The following PDZD2 variants were observed in gnomAD, a reference collection of about 807,000 sequenced individuals.
PDZD2 encodes PDZ domain containing 2.
Under a neutral mutation model 220.7 loss-of-function variants are expected in PDZD2, and 90 were observed. That is an observed-to-expected ratio of 0.41 (90% CI 0.34 to 0.49). PDZD2 has a LOEUF of 0.49. Among genes scored for constraint, PDZD2 ranks in the 20% least tolerant of loss-of-function variants. The probability of loss-of-function intolerance (pLI) is 0.28; values close to 1 mark genes in which losing one functional copy is unlikely to be tolerated. For synonymous variants in PDZD2, 1,375 were observed against 1,450.5 expected (o/e 0.95, Z 1.18); for missense variants, 3,174 against 3,608.5 (o/e 0.88, Z 3.08).
chr5:31,849,595 G>T (rs1272983736), intron 2 of PDZD2, among the ~76,000 whole-genome samples: 4 of 151,988 alleles, frequency 2.6e-5, no homozygotes, highest in Non-Finnish European at 5.9e-5. Flanking sequence ...TGTAATCCTA[G>T]CACTTTGGGA....
At chr5:31,917,020 T>C (rs1743749154) in intron 2 of PDZD2, among the ~76,000 whole-genome samples, 1 of 152,184 alleles carries the variant, frequency 6.6e-6, no homozygotes, top group Non-Finnish European at 1.5e-5. Flanking sequence ...GGACAGGCAC[T>C]ACCTCTTAAA....
At chr5:31,717,273 T>C (rs1176874312) in intron 1 of PDZD2, among the ~76,000 whole-genome samples, 2 of 152,176 alleles carry the variant, frequency 1.3e-5, no homozygotes, top group South Asian at 2.1e-4. Context: ...GTTTGTTCCA[T>C]AAGTGCTGAA....
At chr5:31,783,249 C>A (rs905349098) in intron 1 of PDZD2, among the ~76,000 whole-genome samples, 2 of 151,928 alleles carry the variant, frequency 1.3e-5, no homozygotes, top group Admixed American at 1.3e-4. Context: ...AGCATGCACG[C>A]GTCTTTCTTT....
In PDZD2 at chr5:31,706,062, C is replaced by T. The variant is rs185115955; in HGVS notation, c.-361+66625C>T. ...GCGAGACTCCATCTCAAAATAACAACACCACCACCAAAAATCCTCTATAAG... is the reference window on the plus strand; with the variant it reads ...GCGAGACTCCATCTCAAAATAACAATACCACCACCAAAAATCCTCTATAAG... On this transcript the variant is annotated intron_variant, in intron 1 of 24. Coordinates refer to ENST00000438447, the MANE Select transcript of PDZD2 (RefSeq NM_178140.4). Among the ~76,000 whole-genome samples the T allele has an allele frequency of 2.0e-4, 31 of 152,250 alleles. 1 individual carries two copies. The highest frequency in any genetic ancestry group is 1.6e-3 in the Admixed American group (24 of 15,288).
intron 1 of PDZD2, among the ~76,000 whole-genome samples, chr5:31,668,025 C>CGTATTG (rs1489494360): frequency 6.6e-6 from 1 of 152,026 alleles, no homozygotes; most frequent in Admixed American, 6.6e-5. Flanking sequence ...CTACGCCCGG[C>CGTATTG]TACTTTTTGT....
rs557596566 is a variant in PDZD2 at position 31,750,257 on chromosome 5, C to T, written c.-360-48632C>T. 4.6e-5 allele frequency among the ~76,000 whole-genome samples: 7 copies of T among 152,314 alleles called. No homozygotes were observed. The South Asian group carries it at 1.5e-3, about 32-fold the overall frequency. Reference sequence around the variant, plus strand: ...TCTTGTCCGACTTGATCTCCACCACCAGTGGCCTTTGGAGCCCATTGTGTC... The same window carrying T: ...TCTTGTCCGACTTGATCTCCACCACTAGTGGCCTTTGGAGCCCATTGTGTC... On this transcript the variant is annotated intron_variant, in intron 1 of 24. Transcript: ENST00000438447.
chr5:32,101,474 G>T (rs568492677), intron 24 of PDZD2, among the ~76,000 whole-genome samples: 1 of 152,196 alleles, frequency 6.6e-6, no homozygotes, highest in Non-Finnish European at 1.5e-5. Flanking sequence ...ACTGAGGCAC[G>T]TAGGGTCACA....
chr5:32,018,072 A>G (rs1753910035), intron 6 of PDZD2, among the ~76,000 whole-genome samples: 1 of 152,232 alleles, frequency 6.6e-6, no homozygotes, highest in Non-Finnish European at 1.5e-5. Flanking sequence ...AAAAAGAGCC[A>G]GGACAAAGAG....
chr5:31,954,794 G>A (rs1747509213), intron 2 of PDZD2, among the ~76,000 whole-genome samples: 1 of 152,014 alleles, frequency 6.6e-6, no homozygotes, highest in East Asian at 1.9e-4. Flanking sequence ...AAATTAGCCG[G>A]GCGTGGTGGT....
rs762057409 is a variant in PDZD2, at chr5:31,682,744, T to C, written c.-361+43307T>C. Among the ~76,000 whole-genome samples the C allele has an allele frequency of 1.9e-3, 281 of 150,822 alleles. 3 individuals are homozygous for C. The highest frequency in any genetic ancestry group is 3.7e-4 in the Non-Finnish European group (25 of 67,840). ...GTACATGGTTTACACATTTTGGGAT[T>C]TCAGGACAGCTAACCCTCAAAAGCC... On this transcript the variant is annotated intron_variant, in intron 1 of 24. Coordinates refer to ENST00000438447, the MANE Select transcript of PDZD2 (RefSeq NM_178140.4).
At chr5:31,956,489 G>A (rs1221331945) in intron 2 of PDZD2, among the ~76,000 whole-genome samples, 4 of 146,996 alleles carry the variant, frequency 2.7e-5, no homozygotes, top group Admixed American at 2.7e-4. Flanking sequence ...AGAGCTTGCA[G>A]CGAGCCGAGA....
At chr5:31,730,254 G>T (rs1017422633) in intron 1 of PDZD2, among the ~76,000 whole-genome samples, 1 of 152,160 alleles carries the variant, frequency 6.6e-6, no homozygotes, top group Admixed American at 6.5e-5. Context: ...CTGTCTTGTA[G>T]GTAGGTTAGC....
At chr5:31,687,169 A>C (rs1438212740) in intron 1 of PDZD2, among the ~76,000 whole-genome samples, 1 of 152,240 alleles carries the variant, frequency 6.6e-6, no homozygotes, top group East Asian at 1.9e-4. Context: ...GGGAGTGTTC[A>C]TACCAAAGTC....
chr5:31,874,160 T>C (rs1739088941), intron 2 of PDZD2, among the ~76,000 whole-genome samples: 1 of 152,222 alleles, frequency 6.6e-6, no homozygotes, highest in African/African-American at 2.4e-5. Flanking sequence ...GGTCTTCAGC[T>C]AATTGGATGA....
intron 1 of PDZD2, among the ~76,000 whole-genome samples, chr5:31,654,863 G>A (rs1048927395): frequency 2.6e-5 from 4 of 152,126 alleles, no homozygotes; most frequent in African/African-American, 9.7e-5. Context: ...CTTCCCAGGA[G>A]CTTCCCATCT....
intron 6 of PDZD2, among the ~76,000 whole-genome samples, chr5:32,022,177 G>GTTTTTT (rs1438838239): frequency 2.2e-5 from 2 of 92,156 alleles, no homozygotes; most frequent in African/African-American, 3.8e-5. Context: ...TTTTCGTTTT[G>GTTTTTT]TTTTTTTGTT....
chr5:32,039,296 G>A (rs1351840495), intron 7 of PDZD2, among the ~76,000 whole-genome samples: 7 of 151,824 alleles, frequency 4.6e-5, no homozygotes, highest in Non-Finnish European at 2.9e-5. Context: ...TGGTGGAGAC[G>A]GGGTTTCGCC....
chr5:31,907,852 A>G (rs939304909), intron 2 of PDZD2, among the ~76,000 whole-genome samples: 2 of 152,174 alleles, frequency 1.3e-5, no homozygotes, highest in African/African-American at 2.4e-5. Context: ...TGGGAGGCTG[A>G]GGCGGGCAGA....
At chr5:31,915,792 C>T (rs958242789) in intron 2 of PDZD2, among the ~76,000 whole-genome samples, 1 of 152,166 alleles carries the variant, frequency 6.6e-6, no homozygotes, top group Non-Finnish European at 1.5e-5. Flanking sequence ...TCCACTTGGC[C>T]TTTCTATCTG....
Sources: gnomAD v4.1 joint callset for allele counts (sites outside exome capture counted in the v4.1 genomes callset) on GRCh38, gnomAD v4.1.1 for gene constraint, MANE v1.5 for transcripts, NCBI Gene and HGNC (gene_info 2026-07-23, HGNC 2026-07-21) for gene names.